The following PLCXD3 variants were observed in gnomAD, a reference collection of about 807,000 sequenced individuals.
PLCXD3 encodes the protein PI-PLC X domain-containing protein 3.
A neutral mutation model predicts 25.5 loss-of-function variants in PLCXD3; 19 were observed. That is an observed-to-expected ratio of 0.75 (90% confidence interval 0.52 to 1.09). The LOEUF (loss-of-function observed/expected upper bound fraction) is 1.09, where lower values mean the gene tolerates loss of function less well. Ranked by LOEUF, PLCXD3 falls within the 50% of genes least tolerant of loss-of-function variation. PLCXD3 has a pLI of 0.00. For synonymous variants in PLCXD3, 174 were observed against 137.6 expected (o/e 1.26, Z -1.85); for missense variants, 411 against 388.1 (o/e 1.06, Z -0.50).
chr5:41,392,275 G>T (rs947602415), intron 1 of PLCXD3, among the ~76,000 whole-genome samples: 13 of 152,146 alleles, frequency 8.5e-5, no homozygotes, highest in Admixed American at 8.5e-4. Context: ...TCATAATTGT[G>T]GTTGCCACAG....
At chr5:41,375,292 T>A (rs1745257137) in intron 2 of PLCXD3, among the ~76,000 whole-genome samples, 1 of 152,084 alleles carries the variant, frequency 6.6e-6, no homozygotes, top group African/African-American at 2.4e-5. Context: ...CAGTGTTGAG[T>A]GCAGTGCAGA....
intron 2 of PLCXD3, among the ~76,000 whole-genome samples, chr5:41,326,715 G>A (rs778377328): frequency 5.9e-5 from 9 of 151,896 alleles, no homozygotes; most frequent in Admixed American, 1.3e-4. Flanking sequence ...TTTTCTTTAT[G>A]TTTTATGCCT....
intron 1 of PLCXD3, among the ~76,000 whole-genome samples, chr5:41,480,091 G>A (rs934828883): frequency 1.3e-5 from 2 of 152,122 alleles, no homozygotes; most frequent in South Asian, 2.1e-4. Flanking sequence ...AGAGGGATAC[G>A]AGCTGAAGCT....
intron 1 of PLCXD3, among the ~76,000 whole-genome samples, chr5:41,491,451 C>T (rs1265490099): frequency 2.0e-5 from 3 of 152,094 alleles, no homozygotes; most frequent in Non-Finnish European, 4.4e-5. Flanking sequence ...CTATTAGGTC[C>T]ACTTGGTGCA....
intron 2 of PLCXD3, among the ~76,000 whole-genome samples, chr5:41,359,647 A>C (rs905614872): frequency 6.6e-6 from 1 of 152,106 alleles, no homozygotes; most frequent in Admixed American, 6.5e-5. Context: ...ATGGTCTATC[A>C]ATTTCATTTA....
intron 1 of PLCXD3, among the ~76,000 whole-genome samples, chr5:41,470,070 G>A (rs556152585): frequency 6.6e-6 from 1 of 152,130 alleles, no homozygotes; most frequent in Non-Finnish European, 1.5e-5. Flanking sequence ...CAGTGATTTT[G>A]CCAGCTAAGG....
At chr5:41,348,528 C>A (rs1052517330) in intron 2 of PLCXD3, among the ~76,000 whole-genome samples, 1 of 152,120 alleles carries the variant, frequency 6.6e-6, no homozygotes, top group African/African-American at 2.4e-5. Context: ...GAAGCTTGTG[C>A]AAATATAATA....
Position 41,313,025 on chromosome 5 carries a change from G to T in PLCXD3, c.*592C>A, listed in dbSNP as rs1421840503. On this transcript the variant is annotated 3_prime_UTR_variant, in exon 3 of 3. Coordinates refer to ENST00000377801, the MANE Select transcript of PLCXD3 (RefSeq NM_001005473.3). ...TTATTTTCATATAACAAAAATCACT[G>T]ATTATGACCTTCAATATTACTGATG... is the stretch of plus-strand genomic sequence containing the variant. The T allele has an allele frequency of 2.0e-5, 3 of 152,566 alleles. No individual in the cohort carries two copies. Among genetic ancestry groups the T allele is most frequent in the African/African-American group, 7.2e-5 (3 of 41,392 alleles). The allele number at this position is 152,566 out of a possible 1,614,324, so 9.5% of individuals were successfully genotyped here. A position where few individuals can be genotyped will look rare whatever the true frequency, so the allele number is the denominator to read the frequency against.
At chr5:41,489,932 C>G (rs974295569) in intron 1 of PLCXD3, among the ~76,000 whole-genome samples, 2 of 151,960 alleles carry the variant, frequency 1.3e-5, no homozygotes, top group Non-Finnish European at 2.9e-5. Context: ...TGATTTCCTT[C>G]TCCTGCCTAA....
chr5:41,315,463 T>C lies in PLCXD3; in HGVS notation c.813-1693A>G, dbSNP rs539004191. 2.0e-5 allele frequency among the ~76,000 whole-genome samples: 3 copies of C among 150,418 alleles called. No individual in the cohort carries two copies. In the East Asian group the frequency reaches 5.8e-4, roughly 29 times the overall value. Reference sequence around the variant, plus strand: ...AGGGCCTTGAGAAATATATAACAACTGAATTGGGAGGCTGAGCAAGATGGT... The same window carrying C: ...AGGGCCTTGAGAAATATATAACAACCGAATTGGGAGGCTGAGCAAGATGGT... On this transcript the variant is annotated intron_variant, in intron 2 of 2. Coordinates refer to ENST00000377801, the MANE Select transcript of PLCXD3 (RefSeq NM_001005473.3).
chr5:41,503,676 T>A (rs1183893324), intron 1 of PLCXD3, among the ~76,000 whole-genome samples: 2 of 152,202 alleles, frequency 1.3e-5, no homozygotes, highest in African/African-American at 2.4e-5. Flanking sequence ...AATTTTTCAC[T>A]CACTTTTCCC....
intron 1 of PLCXD3, among the ~76,000 whole-genome samples, chr5:41,393,260 G>C (rs746064440): frequency 4.6e-5 from 7 of 152,110 alleles, no homozygotes; most frequent in Non-Finnish European, 8.8e-5. Flanking sequence ...ACTACCTCAA[G>C]GCATTTAGTC....
At chr5:41,486,670 A>T (rs1580397199) in intron 1 of PLCXD3, among the ~76,000 whole-genome samples, 1 of 152,202 alleles carries the variant, frequency 6.6e-6, no homozygotes, top group Non-Finnish European at 1.5e-5. Context: ...TCCCTACCAG[A>T]GACCCTGTTA....
At chr5:41,394,230 A>T (rs923514192) in intron 1 of PLCXD3, among the ~76,000 whole-genome samples, 8 of 152,186 alleles carry the variant, frequency 5.3e-5, no homozygotes, top group African/African-American at 1.7e-4. Flanking sequence ...ATCAGGTTAA[A>T]ATAATGTTTA....
intron 2 of PLCXD3, among the ~76,000 whole-genome samples, chr5:41,316,708 T>C (rs917513372): frequency 2.0e-5 from 3 of 152,084 alleles, no homozygotes; most frequent in African/African-American, 7.2e-5. Flanking sequence ...GGAACATCAG[T>C]GGTAGTCTGG....
chr5:41,393,614 C>A (rs934709996), intron 1 of PLCXD3, among the ~76,000 whole-genome samples: 2 of 152,096 alleles, frequency 1.3e-5, no homozygotes, highest in East Asian at 1.9e-4. Flanking sequence ...TAAATCATCA[C>A]CTGAAGGTAC....
chr5:41,500,667 A>G (rs1174544551), intron 1 of PLCXD3, among the ~76,000 whole-genome samples: 1 of 151,868 alleles, frequency 6.6e-6, no homozygotes, highest in Non-Finnish European at 1.5e-5. Context: ...GGGTTTGGCA[A>G]TGAGTTTTTG....
chr5:41,408,809 A>G (rs184278846), intron 1 of PLCXD3, among the ~76,000 whole-genome samples: 7 of 152,290 alleles, frequency 4.6e-5, no homozygotes. Flanking sequence ...ATATATTTCT[A>G]CATTTGTAAC....
chr5:41,402,556 T>C (rs1159255903), intron 1 of PLCXD3, among the ~76,000 whole-genome samples: 1 of 151,840 alleles, frequency 6.6e-6, no homozygotes, highest in Non-Finnish European at 1.5e-5. Flanking sequence ...CACAAAGTAC[T>C]ATGTAAATGT....
Sources: allele counts gnomAD v4.1 joint callset (sites outside exome capture counted in the v4.1 genomes callset), GRCh38; gene constraint gnomAD v4.1.1; transcripts MANE v1.5; gene names NCBI Gene and HGNC (gene_info 2026-07-23, HGNC 2026-07-21).